TAFA2: variants seen among roughly 807,000 people sequenced by gnomAD.
TAFA2 encodes the protein chemokine-like protein TAFA-2.
A neutral mutation model predicts 18.8 loss-of-function variants in TAFA2; 7 were observed. The observed-to-expected ratio is 0.37, with a 90% confidence interval of 0.21 to 0.70. The LOEUF is 0.70. Among genes scored for constraint, TAFA2 ranks in the 30% least tolerant of loss-of-function variants. The pLI is 0.53. For missense variants in TAFA2, 122 were observed against 158.1 expected (o/e 0.77, Z 1.23); for synonymous variants, 60 against 54.2 (o/e 1.11, Z -0.47).
intron 1 of TAFA2, among the ~76,000 whole-genome samples, chr12:62,089,874 C>T (rs1005720824): frequency 2.6e-5 from 4 of 152,078 alleles, no homozygotes; most frequent in Non-Finnish European, 5.9e-5. Context: ...TTGCCACCAG[C>T]ATTTGCTTTA....
At chr12:62,224,923 C>T (rs771131745) in intron 1 of TAFA2, among the ~76,000 whole-genome samples, 2 of 151,978 alleles carry the variant, frequency 1.3e-5, no homozygotes, top group Non-Finnish European at 2.9e-5. Context: ...ATGGGCAATA[C>T]ATTTCTGAAA....
chr12:62,105,237 T>C (rs906891298), intron 1 of TAFA2, among the ~76,000 whole-genome samples: 3 of 152,204 alleles, frequency 2.0e-5, no homozygotes, highest in African/African-American at 7.2e-5. Flanking sequence ...TGAAAATGGT[T>C]TCTAAACCAT....
At chr12:62,092,813 A>G (rs138332458) in intron 1 of TAFA2, among the ~76,000 whole-genome samples, 1 of 152,142 alleles carries the variant, frequency 6.6e-6, no homozygotes, top group Non-Finnish European at 1.5e-5. Flanking sequence ...GAAATATTCT[A>G]TCAAGGAAAG....
chr12:61,895,841 G>C (rs1194000567), intron 1 of TAFA2, among the ~76,000 whole-genome samples: 1 of 151,996 alleles, frequency 6.6e-6, no homozygotes, highest in South Asian at 2.1e-4. Context: ...AGGTACCCTA[G>C]TAAGAAGTAA....
In TAFA2 at chr12:62,063,068, C is replaced by T. The variant is rs965607949; in HGVS notation, c.-2+128191G>A. On this transcript the variant is annotated intron_variant, in intron 1 of 4. Transcript: ENST00000416284. Reference sequence around the variant, plus strand: ...CTAGGAAGATCTCCCATCTCAATACCCCTACTCTTGATCACAACCTGTGTC... The same window carrying T: ...CTAGGAAGATCTCCCATCTCAATACTCCTACTCTTGATCACAACCTGTGTC... Among the ~76,000 whole-genome samples, 7 of 151,880 alleles carry T rather than the reference C, an allele frequency of 4.6e-5. No individual in the cohort carries two copies. The South Asian group carries it at 1.5e-3, about 32-fold the overall frequency.
At chr12:61,844,514 T>TAA (rs1409327652) in intron 2 of TAFA2, among the ~76,000 whole-genome samples, 3 of 152,102 alleles carry the variant, frequency 2.0e-5, no homozygotes, top group African/African-American at 7.2e-5. Context: ...TTGCCAAGAT[T>TAA]AAGGTCTTAG....
chr12:62,170,502 A>G (rs976303743), intron 1 of TAFA2, among the ~76,000 whole-genome samples: 5 of 151,884 alleles, frequency 3.3e-5, no homozygotes, highest in African/African-American at 1.2e-4. Context: ...ATGCTTTTCC[A>G]TTTTCATGTT....
intron 1 of TAFA2, among the ~76,000 whole-genome samples, chr12:62,122,275 A>G (rs1870232459): frequency 6.6e-6 from 1 of 152,174 alleles, no homozygotes; most frequent in Non-Finnish European, 1.5e-5. Flanking sequence ...CGCCTGTGAG[A>G]TCAGCATATG....
At chr12:62,177,082 G>T (rs1205943263) in intron 1 of TAFA2, among the ~76,000 whole-genome samples, 1 of 152,214 alleles carries the variant, frequency 6.6e-6, no homozygotes, top group East Asian at 1.9e-4. Context: ...ATGTTGGTCA[G>T]GTTTTAAATT....
chr12:61,738,330 A>ACACAC (rs1565756844), intron 4 of TAFA2, among the ~76,000 whole-genome samples: 39 of 37,374 alleles, frequency 1.0e-3, no homozygotes, highest in African/African-American at 2.3e-3. Flanking sequence ...CACACACACA[A>ACACAC]ACCTAGCTCA....
chr12:61,740,256 C>A (rs1868384792), intron 4 of TAFA2, among the ~76,000 whole-genome samples: 1 of 151,928 alleles, frequency 6.6e-6, no homozygotes, highest in Non-Finnish European at 1.5e-5. Flanking sequence ...CACATGTTCT[C>A]ACTCATAAGT....
chr12:61,853,875 A>G (rs1304447459), intron 2 of TAFA2, among the ~76,000 whole-genome samples: 1 of 152,190 alleles, frequency 6.6e-6, no homozygotes, highest in African/African-American at 2.4e-5. Flanking sequence ...CAGAATGCTG[A>G]ACTTGTAACA....
At chr12:61,721,733 A>G (rs1461524829) in intron 4 of TAFA2, among the ~76,000 whole-genome samples, 1 of 152,208 alleles carries the variant, frequency 6.6e-6, no homozygotes, top group Non-Finnish European at 1.5e-5. Flanking sequence ...ACGCGGGTGG[A>G]TCACCTGAGG....
chr12:61,879,364 G>T, intron 1 of TAFA2: 1 of 731,458 alleles, frequency 1.4e-6, no homozygotes, highest in South Asian at 1.6e-5. Context: ...TCCACCTCTG[G>T]CCCCCGGGCC....
At chr12:62,147,926 A>G (rs1287803439) in intron 1 of TAFA2, among the ~76,000 whole-genome samples, 1 of 152,160 alleles carries the variant, frequency 6.6e-6, no homozygotes, top group Non-Finnish European at 1.5e-5. Flanking sequence ...TTCTCAAAAG[A>G]AGGCATACAA....
At position 61,897,785 on chromosome 12, in the gene TAFA2, T is replaced by C. The variant is rs1022665459; in HGVS notation, c.-1-30359A>G. On this transcript the variant is annotated intron_variant, in intron 1 of 4. Transcript: ENST00000416284. ...CCCCTGGCCTCTCCCAAGTCTCACA[T>C]ATTTTTTCATTTCAAAACCTATCAT... Among the ~76,000 whole-genome samples, 13 of 152,180 alleles carry C rather than the reference T, an allele frequency of 8.5e-5. 1 individual carries two copies. The highest frequency in any genetic ancestry group is 8.5e-4 in the Admixed American group (13 of 15,280).
chr12:61,747,641 C>T (rs2120728949), intron 4 of TAFA2, among the ~76,000 whole-genome samples: 1 of 149,942 alleles, frequency 6.7e-6, no homozygotes, highest in South Asian at 2.1e-4. Context: ...CGCATATTCT[C>T]ACTCATAGGT....
chr12:62,058,287 AAC>A (rs1383030899), intron 1 of TAFA2, among the ~76,000 whole-genome samples: 2 of 152,166 alleles, frequency 1.3e-5, no homozygotes, highest in Non-Finnish European at 2.9e-5. Context: ...GGGTTTTCCT[AAC>A]CTAAGGAGTA....
intron 1 of TAFA2, among the ~76,000 whole-genome samples, chr12:62,240,245 CCT>C (rs1387312475): frequency 3.3e-5 from 5 of 151,590 alleles, no homozygotes; most frequent in African/African-American, 1.2e-4. Context: ...ATGATGAAAC[CCT>C]GTCTCTATTA....
Sources: gnomAD v4.1 joint callset for allele counts (sites outside exome capture counted in the v4.1 genomes callset) on GRCh38, gnomAD v4.1.1 for gene constraint, MANE v1.5 for transcripts, NCBI Gene and HGNC (gene_info 2026-07-23, HGNC 2026-07-21) for gene names.